Variants in MBD5 observed in about 807,000 individuals in gnomAD.
MBD5 encodes the protein methyl-CpG-binding domain protein 5.
Under a neutral mutation model 117.3 loss-of-function variants are expected in MBD5, and 13 were observed. The observed-to-expected ratio is 0.11, with a 90% CI of 0.07 to 0.18. The LOEUF is 0.18. Ranked by LOEUF, MBD5 falls within the 10% of genes least tolerant of loss-of-function variation. The pLI is 1.00. For missense variants in MBD5, 1,879 were observed against 2,093.8 expected (o/e 0.90, Z 2.00); for synonymous variants, 727 against 766.4 (o/e 0.95, Z 0.85).
Position 148,489,653 on chromosome 2 carries a change from G to A in MBD5, c.4021G>A (p.Val1341Ile), listed in dbSNP as rs746291268. The change falls in exon 11 of 14, where the codon GTC becomes ATC. Residue 1341 changes from valine to isoleucine, a missense_variant. Transcript: ENST00000642680. Reference protein sequence around the residue: ...KGMQVVITTAVNSTTQISPIP... With the variant: ...KGMQVVITTAINSTTQISPIP... The stretch of plus-strand genomic sequence containing the variant: ...AATGCAGGTTGTCATCACCACTGCA[G>A]TCAACAGTACAACTCAGATCAGCCC... 2.5e-6 allele frequency: 4 copies of A among 1,614,232 alleles called. No individual in the cohort carries two copies. Among genetic ancestry groups the A allele is most frequent in the East Asian group, 4.5e-5 (2 of 44,882 alleles).
At chr2:148,415,904 A>G (rs1014638384) in intron 4 of MBD5, among the ~76,000 whole-genome samples, 3 of 152,076 alleles carry the variant, frequency 2.0e-5, no homozygotes, top group Non-Finnish European at 2.9e-5. Flanking sequence ...TTGCATTTCA[A>G]CTTCTCCTGA....
chr2:148,420,346 T>A (rs1178745689), intron 4 of MBD5, among the ~76,000 whole-genome samples: 1 of 152,222 alleles, frequency 6.6e-6, no homozygotes, highest in Non-Finnish European at 1.5e-5. Flanking sequence ...AGTTAGCATA[T>A]CCCAAACTTT....
intron 1 of MBD5, among the ~76,000 whole-genome samples, chr2:148,154,739 C>A (rs961928902): frequency 2.0e-5 from 3 of 152,182 alleles, no homozygotes; most frequent in African/African-American, 7.2e-5. Flanking sequence ...AAAGGGAACT[C>A]CCTGACCCCT....
chr2:148,294,509 T>TTTTTTTTTTTTTTTTTTTTTTTGTTTG (rs1701598302), intron 3 of MBD5, among the ~76,000 whole-genome samples: 1 of 129,984 alleles, frequency 7.7e-6, no homozygotes, highest in Admixed American at 7.8e-5. Flanking sequence ...CAGTTTTTTT[T>TTTTTTTTTTTTTTTTTTTTTTTGTTTG]TTTTTTTTTT....
At chr2:148,386,542 C>A (rs935690554) in intron 4 of MBD5, among the ~76,000 whole-genome samples, 3 of 151,314 alleles carry the variant, frequency 2.0e-5, no homozygotes, top group Non-Finnish European at 4.4e-5. Context: ...AACGGTGAAA[C>A]CCCGTCTCTA....
intron 1 of MBD5, chr2:148,025,522 C>T (rs1291872509): frequency 1.3e-5 from 2 of 148,600 alleles, no homozygotes; most frequent in African/African-American, 4.9e-5. Context: ...CAACAATGTT[C>T]ATTAAGTTAT....
chr2:148,201,214 T>C (rs1380866466), intron 2 of MBD5, among the ~76,000 whole-genome samples: 1 of 152,024 alleles, frequency 6.6e-6, no homozygotes, highest in Non-Finnish European at 1.5e-5. Context: ...CAGGAGGAGA[T>C]GTGTGTGCCA....
chr2:148,468,716 A>T lies in MBD5; in HGVS notation c.773A>T (p.His258Leu). 6.2e-7 allele frequency: 1 copy of T among 1,613,916 alleles called. No individual in the cohort carries two copies. Among genetic ancestry groups the T allele is most frequent in the Non-Finnish European group, 8.5e-7 (1 of 1,179,902 alleles). ...DVFTRSNPGF[H>L]GAPNSSPIHL... is the part of the protein sequence containing the mutation. ...TTCACAAGAAGTAATCCTGGTTTTC[A>T]TGGAGCTCCCAATTCTAGTCCTATT... Residue 258 changes from histidine to leucine, a missense_variant, in exon 8 of 14, where the codon CAT becomes CTT. His to Leu is a moderately conservative substitution (Grantham distance 99). Transcript: ENST00000642680.
chr2:148,155,890 C>A (rs532699125), intron 1 of MBD5, among the ~76,000 whole-genome samples: 1 of 152,156 alleles, frequency 6.6e-6, no homozygotes, highest in Non-Finnish European at 1.5e-5. Flanking sequence ...TTTATGAGTG[C>A]GAACTCTCCA....
chr2:148,150,404 G>T (rs1697620358), intron 1 of MBD5, among the ~76,000 whole-genome samples: 1 of 151,854 alleles, frequency 6.6e-6, no homozygotes, highest in African/African-American at 2.4e-5. Flanking sequence ...TTTTGGCTTA[G>T]GATTGACTTG....
At chr2:148,290,430 G>A (rs939096190) in intron 3 of MBD5, among the ~76,000 whole-genome samples, 1 of 152,010 alleles carries the variant, frequency 6.6e-6, no homozygotes, top group African/African-American at 2.4e-5. Flanking sequence ...AACTAGAGCA[G>A]TTTAAAGTAC....
Position 148,484,093 on chromosome 2 carries a change from G to T in MBD5, c.3502G>T (p.Val1168Leu). The T allele has an allele frequency of 6.5e-7, 1 of 1,540,322 alleles. No homozygotes were observed. Among genetic ancestry groups the T allele is most frequent in the Non-Finnish European group, 8.8e-7 (1 of 1,141,890 alleles). Residue 1168 changes from valine to leucine, a missense_variant, in exon 9 of 14, where the codon GTG becomes TTG. This residue lies in a region of MBD5 where 1,666 missense variants were observed against 1,792.2 expected (regional missense o/e 0.93). Coordinates refer to ENST00000642680, the MANE Select transcript of MBD5 (RefSeq NM_001378120.1). ...GPAKLNSNSV[V>L]PQLLNPLLGT... ...AGCTAAACTCAACAGTAACTCTGTG[G>T]TGCCACAGCTACTTAACCCTCTACT...
chr2:148,103,546 A>G (rs896172391), intron 1 of MBD5, among the ~76,000 whole-genome samples: 28 of 152,176 alleles, frequency 1.8e-4, no homozygotes, highest in Non-Finnish European at 5.9e-5. Flanking sequence ...TACATGCTAC[A>G]TGCTAAGTAG....
intron 3 of MBD5, among the ~76,000 whole-genome samples, chr2:148,259,813 C>A (rs150243535): frequency 6.6e-6 from 1 of 152,186 alleles, no homozygotes; most frequent in African/African-American, 2.4e-5. Flanking sequence ...ACCACAAACC[C>A]GCTGAGTCAT....
chr2:148,336,010 G>A (rs114639013), intron 3 of MBD5, among the ~76,000 whole-genome samples: 12 of 152,256 alleles, frequency 7.9e-5, no homozygotes, highest in Admixed American at 3.9e-4. Context: ...AGATAAGATG[G>A]CATGTGTGGT....
chr2:148,275,852 G>A (rs565490681), intron 3 of MBD5, among the ~76,000 whole-genome samples: 1 of 151,722 alleles, frequency 6.6e-6, no homozygotes, highest in Admixed American at 6.6e-5. Context: ...AAAATCACCT[G>A]TTTGCTGCTT....
chr2:148,294,506 T>TTTTTTTTTGTTTTTTTTTTTTTTTTTTTG lies in MBD5; in HGVS notation c.-679-47700_-679-47699insGTTTTTTTTTTTTTTTTTTTGTTTTTTTT, dbSNP rs1397412173. 2.3e-5 allele frequency among the ~76,000 whole-genome samples: 3 copies of TTTTTTTTTGTTTTTTTTTTTTTTTTTTTG among 130,642 alleles called. 1 individual carries two copies. The highest frequency in any genetic ancestry group is 6.1e-5 in the African/African-American group (2 of 32,872). 85.7% of individuals were successfully genotyped at this position (130,642 alleles called of 152,430 possible). The stretch of plus-strand genomic sequence containing the variant: ...CCCAAAGTGCTGGGATTACAGTTTT[T>TTTTTTTTTGTTTTTTTTTTTTTTTTTTTG]TTTTTTTTTTTTTTTGAGATAGAGC... On this transcript the variant is annotated intron_variant, in intron 3 of 13. Transcript: ENST00000642680.
At chr2:148,310,739 G>C (rs925747399) in intron 3 of MBD5, among the ~76,000 whole-genome samples, 4 of 151,960 alleles carry the variant, frequency 2.6e-5, no homozygotes, top group African/African-American at 9.7e-5. Context: ...TGTGATGTTA[G>C]GGTGTCAATT....
intron 1 of MBD5, among the ~76,000 whole-genome samples, chr2:148,051,004 C>T (rs1373118308): frequency 1.3e-5 from 2 of 152,058 alleles, no homozygotes; most frequent in Non-Finnish European, 2.9e-5. Context: ...GTCTGTGGAT[C>T]AGTTTGGGAA....
Sources: gnomAD v4.1 joint callset for allele counts (sites outside exome capture counted in the v4.1 genomes callset) on GRCh38, gnomAD v4.1.1 for gene constraint, gnomAD v4.1.1 regional missense constraint, MANE v1.5 for transcripts, NCBI Gene and HGNC (gene_info 2026-07-23, HGNC 2026-07-21) for gene names.